CREB5: variants seen among roughly 807,000 people sequenced by gnomAD.
CREB5 encodes cAMP responsive element binding protein 5, also known as cyclic AMP-responsive element-binding protein 5.
In CREB5, 19 loss-of-function variants were observed where a neutral mutation model predicts 57.1. The observed-to-expected ratio is 0.33, with a 90% CI of 0.23 to 0.49. The LOEUF is 0.49. Ranked by LOEUF, CREB5 falls within the 20% of genes least tolerant of loss-of-function variation. The pLI is 0.99. For synonymous variants in CREB5, 238 were observed against 238.3 expected (o/e 1.00, Z 0.01); for missense variants, 579 against 671.6 (o/e 0.86, Z 1.52).
chr7:28,766,301 G>T (rs1290665801), intron 7 of CREB5, among the ~76,000 whole-genome samples: 3 of 151,986 alleles, frequency 2.0e-5, no homozygotes, highest in Admixed American at 6.6e-5. Flanking sequence ...CCCTGCACAA[G>T]CACCCCCTAC....
chr7:28,354,955 G>A lies in CREB5; in HGVS notation c.-25+55514G>A, dbSNP rs1021167945. Among the ~76,000 whole-genome samples the A allele has an allele frequency of 1.2e-4, 18 of 152,216 alleles. 1 individual carries two copies. Among genetic ancestry groups the A allele is most frequent in the Non-Finnish European group, 1.5e-5 (1 of 68,036 alleles). On this transcript the variant is annotated intron_variant, in intron 1 of 9. Coordinates refer to the CREB5 transcript ENST00000396299. Reference sequence around the variant, plus strand: ...GAAAGAGCCTGGGTTTCAGATGACAGCATTCCTCTAAACCAATGGGGCCTA... The same window carrying A: ...GAAAGAGCCTGGGTTTCAGATGACAACATTCCTCTAAACCAATGGGGCCTA...
chr7:28,345,692 G>A (rs1786044674), intron 1 of CREB5, among the ~76,000 whole-genome samples: 1 of 152,204 alleles, frequency 6.6e-6, no homozygotes, highest in Non-Finnish European at 1.5e-5. Context: ...GGTTAGCACT[G>A]GGCAAGTCGG....
At position 28,537,237 on chromosome 7, in the gene CREB5, G is replaced by A. The variant is rs191032808; in HGVS notation, c.291+29500G>A. Among the ~76,000 whole-genome samples the A allele has an allele frequency of 3.3e-3, 503 of 152,244 alleles. 1 individual carries two copies. The highest frequency in any genetic ancestry group is 5.2e-3 in the Non-Finnish European group (353 of 68,024). The stretch of plus-strand genomic sequence containing the variant: ...ATGTTATGAGATACATGAGATACAT[G>A]ATACAGGATTACTGTAGTGAAGCAA... On this transcript the variant is annotated intron_variant, in intron 4 of 10. Transcript: ENST00000357727.
At position 28,412,796 on chromosome 7, in the gene CREB5, C is replaced by T. The variant is rs1787859368; in HGVS notation, c.-119C>T. On this transcript the variant is annotated 5_prime_UTR_variant, in exon 1 of 11. Transcript: ENST00000357727. ...GGTCTGAAATACTGAGGCAAATACT[C>T]AAGACTTATTTTCTTCCTAATCTTG... 1 of 920,630 alleles carries T rather than the reference C, an allele frequency of 1.1e-6. No individual in the cohort carries two copies. Among genetic ancestry groups the T allele is most frequent in the Non-Finnish European group, 1.6e-6 (1 of 639,942 alleles). The allele number at this position is 920,630 out of a possible 1,614,324, so 57.0% of individuals were successfully genotyped here.
At chr7:28,335,489 T>C (rs940379209) in intron 1 of CREB5, among the ~76,000 whole-genome samples, 1 of 152,132 alleles carries the variant, frequency 6.6e-6, no homozygotes, top group Non-Finnish European at 1.5e-5. Flanking sequence ...AAATTTCTTT[T>C]TTTCAGATTG....
chr7:28,617,770 A>T (rs1797645686), intron 5 of CREB5, among the ~76,000 whole-genome samples: 2 of 152,264 alleles, frequency 1.3e-5, no homozygotes, highest in Non-Finnish European at 2.9e-5. Context: ...CTCTATTTTT[A>T]AAAAATCAGA....
At chr7:28,664,837 AAG>A (rs1178907226) in intron 5 of CREB5, among the ~76,000 whole-genome samples, 4 of 152,324 alleles carry the variant, frequency 2.6e-5, no homozygotes, top group Admixed American at 2.0e-4. Flanking sequence ...AGGGAAGAAA[AAG>A]AGAGTTTTAG....
chr7:28,560,924 G>A lies in CREB5; in HGVS notation c.292-9441G>A, dbSNP rs1371423896. On this transcript the variant is annotated intron_variant, in intron 4 of 10. Coordinates refer to ENST00000357727, the MANE Select transcript of CREB5 (RefSeq NM_182898.4). ...TGCGCGCGTGCGTGTGCGTGTGTGC[G>A]CGTGCGTGTGTGCGTGCGTGTGTGT... Among the ~76,000 whole-genome samples, 14 of 63,534 alleles carry A rather than the reference G, an allele frequency of 2.2e-4. 2 individuals carry two copies. The South Asian group carries it at 4.5e-3, about 20-fold the overall frequency. 41.7% of individuals were successfully genotyped at this position (63,534 alleles called of 152,430 possible).
intron 6 of CREB5, among the ~76,000 whole-genome samples, chr7:28,720,465 G>A (rs566203133): frequency 6.6e-6 from 1 of 152,278 alleles, no homozygotes; most frequent in Admixed American, 6.5e-5. Context: ...GAAGAATTGT[G>A]GCTGGAACCC....
chr7:28,404,828 C>A (rs912628515), intron 1 of CREB5, among the ~76,000 whole-genome samples: 2 of 152,162 alleles, frequency 1.3e-5, no homozygotes, highest in Non-Finnish European at 2.9e-5. Context: ...TTCTTGCATC[C>A]TCAAACCAAC....
At position 28,495,000 on chromosome 7, in the gene CREB5, G is replaced by C; in HGVS notation, c.169+1G>C. The C allele has an allele frequency of 6.3e-7, 1 of 1,586,774 alleles. No homozygotes were observed. Among genetic ancestry groups the C allele is most frequent in the South Asian group, 1.2e-5 (1 of 85,630 alleles). ...ATAAAAACAGACAATATGTTATCAG[G>C]TAAGGAGCCATCAGGAAAAGAAGCT... On this transcript the variant is annotated splice_donor_variant, in intron 3 of 10. Coordinates refer to ENST00000357727, the MANE Select transcript of CREB5 (RefSeq NM_182898.4). LOFTEE classifies it high-confidence loss of function.
intron 7 of CREB5, among the ~76,000 whole-genome samples, chr7:28,773,714 G>C (rs543094371): frequency 2.0e-5 from 3 of 152,312 alleles, no homozygotes; most frequent in South Asian, 2.1e-4. Flanking sequence ...TGTTTGGAAT[G>C]GTTTTAATTG....
chr7:28,692,428 C>T lies in CREB5; in HGVS notation c.465-26325C>T, dbSNP rs370049497. ...CCTGGCCAATGTGGTGAAACCCTGT[C>T]TCTACTAAAAATACAGGCATCTACT... On this transcript the variant is annotated intron_variant, in intron 5 of 10. Transcript: ENST00000357727. Among the ~76,000 whole-genome samples the T allele has an allele frequency of 4.6e-5, 7 of 152,294 alleles. No individual in the cohort carries two copies. In the East Asian group the frequency reaches 1.4e-3, roughly 29 times the overall value.
chr7:28,698,999 G>C (rs1367681150), intron 5 of CREB5, among the ~76,000 whole-genome samples: 1 of 152,186 alleles, frequency 6.6e-6, no homozygotes, highest in Non-Finnish European at 1.5e-5. Flanking sequence ...CACAGAAGTG[G>C]GTTTTGAGCG....
intron 7 of CREB5, among the ~76,000 whole-genome samples, chr7:28,800,693 C>T (rs1430283019): frequency 6.6e-6 from 1 of 152,222 alleles, no homozygotes; most frequent in Non-Finnish European, 1.5e-5. Context: ...ATCCACTCTC[C>T]CTTCCACTAA....
At chr7:28,587,787 A>C (rs1179737626) in intron 5 of CREB5, among the ~76,000 whole-genome samples, 1 of 152,202 alleles carries the variant, frequency 6.6e-6, no homozygotes, top group Non-Finnish European at 1.5e-5. Context: ...GAGAGGTTAT[A>C]AAACGAGAGC....
intron 7 of CREB5, among the ~76,000 whole-genome samples, chr7:28,740,996 G>T (rs1804297411): frequency 1.0e-5 from 1 of 95,924 alleles, no homozygotes; most frequent in Non-Finnish European, 2.4e-5. Flanking sequence ...GGCCATGCAG[G>T]GATTTTTTTT....
intron 5 of CREB5, among the ~76,000 whole-genome samples, chr7:28,680,688 G>T (rs935028667): frequency 1.3e-5 from 2 of 151,696 alleles, no homozygotes; most frequent in Admixed American, 6.6e-5. Context: ...GAGCCCAGGA[G>T]GTCAAGGCTA....
At chr7:28,668,708 G>T (rs551646153) in intron 5 of CREB5, among the ~76,000 whole-genome samples, 8 of 152,268 alleles carry the variant, frequency 5.3e-5, no homozygotes, top group African/African-American at 1.9e-4. Context: ...GAGTATTTTA[G>T]GTAGGAACTA....
Sources: allele counts gnomAD v4.1 joint callset (sites outside exome capture counted in the v4.1 genomes callset), GRCh38; gene constraint gnomAD v4.1.1; transcripts MANE v1.5; gene names NCBI Gene and HGNC (gene_info 2026-07-23, HGNC 2026-07-21).